PRDM12: variants seen among roughly 807,000 people sequenced by gnomAD.
The protein encoded by PRDM12 is PR domain zinc finger protein 12.
In PRDM12, 17 loss-of-function variants were observed where a neutral mutation model predicts 29.6. That is an observed-to-expected ratio of 0.57 (90% CI 0.39 to 0.86). The LOEUF is 0.86. Among genes scored for constraint, PRDM12 ranks in the 40% least tolerant of loss-of-function variants. The probability of loss-of-function intolerance (pLI) is 0.00; values close to 1 mark genes in which losing one functional copy is unlikely to be tolerated. For synonymous variants in PRDM12, 231 were observed against 225.8 expected (o/e 1.02, Z -0.21); for missense variants, 422 against 510.8 (o/e 0.83, Z 1.68).
At position 130,681,069 on chromosome 9, in the gene PRDM12, G is replaced by T. The variant is rs1450057954; in HGVS notation, c.683-179G>T. On this transcript the variant is annotated intron_variant, in intron 4 of 4. Coordinates refer to ENST00000253008, the MANE Select transcript of PRDM12 (RefSeq NM_021619.3). This position sits in a 1 kb window ranked among gnomAD's most constrained non-coding sequence, Gnocchi z 8.1. ...CTCCCTATTGGACCCCCCAGCCGGG[G>T]TACCCTTCGCTGTCCCTCCAGTCCG... is the stretch of plus-strand genomic sequence containing the variant. Among the ~76,000 whole-genome samples the T allele has an allele frequency of 6.6e-6, 1 of 152,124 alleles. No individual in the cohort carries two copies. Among genetic ancestry groups the T allele is most frequent in the Non-Finnish European group, 1.5e-5 (1 of 68,020 alleles).
At chr9:130,666,129 C>G (rs1023593041) in intron 1 of PRDM12, among the ~76,000 whole-genome samples, 1 of 152,190 alleles carries the variant, frequency 6.6e-6, no homozygotes, top group African/African-American at 2.4e-5. Flanking sequence ...GATCACGGCC[C>G]GGCTCCTCTG....
rs1830912039 is a variant in PRDM12, at chr9:130,682,195, G to C, written c.*526G>C. On this transcript the variant is annotated 3_prime_UTR_variant, in exon 5 of 5. Transcript: ENST00000253008. The surrounding 1 kb of genome is among the most constrained non-coding windows in gnomAD (Gnocchi z 4.2). ...TGGGACTGGTGTCCTGAAGTGTCGG[G>C]AGTCCTTACGCAACCTTGACATGTG... 1 of 152,258 alleles carries C rather than the reference G, an allele frequency of 6.6e-6. No individual in the cohort carries two copies. Among genetic ancestry groups the C allele is most frequent in the South Asian group, 2.1e-4 (1 of 4,838 alleles). The allele number at this position is 152,258 out of a possible 1,614,324, so 9.4% of individuals were successfully genotyped here.
intron 3 of PRDM12, among the ~76,000 whole-genome samples, chr9:130,669,478 G>T (rs1257894801): frequency 6.6e-6 from 1 of 151,312 alleles, no homozygotes; most frequent in Admixed American, 6.6e-5. Flanking sequence ...AGCCGAGATA[G>T]TGTCACTGCA....
rs753690362 is a variant in PRDM12, at chr9:130,668,343, G to A, written c.570+30G>A. 4 of 1,607,790 alleles carry A rather than the reference G, an allele frequency of 2.5e-6. No individual in the cohort carries two copies. Among genetic ancestry groups the A allele is most frequent in the East Asian group, 2.2e-5 (1 of 44,736 alleles). ...GTGTGTGTGTGTGCACTGTTGTGTA[G>A]GGACCAGCCGGTAAACCCGGCGGGG... is the stretch of plus-strand genomic sequence containing the variant. On this transcript the variant is annotated intron_variant, in intron 3 of 4. Transcript: ENST00000253008. This position sits in a 1 kb window ranked among gnomAD's most constrained non-coding sequence, Gnocchi z 4.0.
In PRDM12 at chr9:130,681,769, C is replaced by A; in HGVS notation, c.*100C>A. ...TCCAGCCCCAACCCCCGGCCCGGCG[C>A]CGCCGCGGAGCCCCGCGCGCTGGGG... On this transcript the variant is annotated 3_prime_UTR_variant, in exon 5 of 5. Coordinates refer to ENST00000253008, the MANE Select transcript of PRDM12 (RefSeq NM_021619.3). This position sits in a 1 kb window ranked among gnomAD's most constrained non-coding sequence, Gnocchi z 8.1. 1 of 946,306 alleles carries A rather than the reference C, an allele frequency of 1.1e-6. No individual in the cohort carries two copies. Among genetic ancestry groups the A allele is most frequent in the Non-Finnish European group, 1.3e-6 (1 of 794,598 alleles). 58.6% of individuals were successfully genotyped at this position (946,306 alleles called of 1,614,324 possible).
intron 3 of PRDM12, among the ~76,000 whole-genome samples, chr9:130,677,519 T>A (rs567021306): frequency 2.1e-4 from 32 of 152,374 alleles, no homozygotes; most frequent in African/African-American, 7.7e-4. Context: ...TGTCTGGGTT[T>A]CTCTGGGCAC....
At chr9:130,673,662 ATTTTTT>A (rs35312514) in intron 3 of PRDM12, among the ~76,000 whole-genome samples, 6 of 86,278 alleles carry the variant, frequency 7.0e-5, no homozygotes, top group African/African-American at 9.6e-5. Context: ...CTCACGGCTA[ATTTTTT>A]TTTTTTTTTT....
rs1163604323 is a variant in PRDM12, at chr9:130,668,957, TG to T, written c.570+650del. On this transcript the variant is annotated intron_variant, in intron 3 of 4. Coordinates refer to ENST00000253008, the MANE Select transcript of PRDM12 (RefSeq NM_021619.3). The surrounding 1 kb of genome is among the most constrained non-coding windows in gnomAD (Gnocchi z 4.0). Reference sequence around the variant, plus strand: ...AGACTTGGGGGTTTTGCCGGCCATCTGGGGGGAGTGTTAGCACTAATAGCTG... The same window carrying T: ...AGACTTGGGGGTTTTGCCGGCCATCTGGGGGAGTGTTAGCACTAATAGCTG... Among the ~76,000 whole-genome samples, 2 of 152,150 alleles carry T rather than the reference TG, an allele frequency of 1.3e-5. No homozygotes were observed. Among genetic ancestry groups the T allele is most frequent in the Admixed American group, 1.3e-4 (2 of 15,270 alleles).
At chr9:130,678,472 C>A in intron 3 of PRDM12, 57 bp from the exon 4 acceptor site, 1 of 1,327,692 alleles carries the variant, frequency 7.5e-7, no homozygotes, top group Non-Finnish European at 1.1e-6. Context: ...CAGAGACCCC[C>A]AACTCTCACC....
chr9:130,680,649 ATATATATATATTTT>A (rs1830888593), intron 4 of PRDM12, among the ~76,000 whole-genome samples: 1 of 78,934 alleles, frequency 1.3e-5, no homozygotes, highest in Non-Finnish European at 2.3e-5. Context: ...ATATATATAT[ATATATATATATTTT>A]TTTTTTTTTT....
chr9:130,670,431 G>A (rs546655836), intron 3 of PRDM12, among the ~76,000 whole-genome samples: 16 of 152,236 alleles, frequency 1.1e-4, no homozygotes, highest in Non-Finnish European at 1.6e-4. Flanking sequence ...AGCTGAGGGG[G>A]GTGGTGCTTG....
At chr9:130,679,154 G>A (rs1381322249) in intron 4 of PRDM12, among the ~76,000 whole-genome samples, 4 of 152,202 alleles carry the variant, frequency 2.6e-5, no homozygotes, top group Admixed American at 1.3e-4. Context: ...CCTGTTGAAG[G>A]AAGGCAGGAC....
chr9:130,664,972 T>G lies in PRDM12; in HGVS notation c.223+96T>G. The G allele has an allele frequency of 8.1e-7, 1 of 1,240,668 alleles. No homozygotes were observed. Among genetic ancestry groups the G allele is most frequent in the Non-Finnish European group, 1.1e-6 (1 of 911,420 alleles). The allele number at this position is 1,240,668 out of a possible 1,614,324, so 76.9% of individuals were successfully genotyped here. A position where few individuals can be genotyped will look rare whatever the true frequency, so the allele number is the denominator to read the frequency against. ...CGAGACGCGGCTGGGATACCCGGCC[T>G]CGCTGCTACTCGCGCCAACCTGGGC... is the stretch of plus-strand genomic sequence containing the variant. On this transcript the variant is annotated intron_variant, in intron 1 of 4. Transcript: ENST00000253008. The surrounding 1 kb of genome is among the most constrained non-coding windows in gnomAD (Gnocchi z 6.4).
chr9:130,679,082 T>G (rs1428127591), intron 4 of PRDM12, among the ~76,000 whole-genome samples: 1 of 152,160 alleles, frequency 6.6e-6, no homozygotes, highest in Non-Finnish European at 1.5e-5. Flanking sequence ...ACCTGTATAT[T>G]TCCTTGCCCT....
chr9:130,679,665 T>C (rs764438750), intron 4 of PRDM12, among the ~76,000 whole-genome samples: 2 of 151,666 alleles, frequency 1.3e-5, no homozygotes, highest in Non-Finnish European at 2.9e-5. Flanking sequence ...TTTTATTTTA[T>C]TTAACTTATT....
At chr9:130,672,061 GC>G (rs1830794116) in intron 3 of PRDM12, among the ~76,000 whole-genome samples, 1 of 152,198 alleles carries the variant, frequency 6.6e-6, no homozygotes, top group Admixed American at 6.5e-5. Context: ...CACTGATGTG[GC>G]CCCTGGGGAA....
intron 3 of PRDM12, among the ~76,000 whole-genome samples, chr9:130,674,761 A>G (rs768271348): frequency 2.0e-5 from 3 of 152,134 alleles, no homozygotes; most frequent in Non-Finnish European, 4.4e-5. Flanking sequence ...TGCGGTCCAT[A>G]TGTCTGCATC....
chr9:130,670,167 C>A (rs1169515228), intron 3 of PRDM12, among the ~76,000 whole-genome samples: 1 of 152,110 alleles, frequency 6.6e-6, no homozygotes, highest in Non-Finnish European at 1.5e-5. Flanking sequence ...GCTTCCCACC[C>A]CACTTCTCTG....
intron 2 of PRDM12, 143 bp downstream of exon 2, chr9:130,666,941 C>G (rs1830739466): frequency 1.7e-6 from 2 of 1,165,810 alleles, no homozygotes; most frequent in Admixed American, 3.5e-5. Flanking sequence ...TGAGCCGGGA[C>G]TCTAAGCCGC....
Sources: allele counts gnomAD v4.1 joint callset (sites outside exome capture counted in the v4.1 genomes callset), GRCh38; gene constraint gnomAD v4.1.1; non-coding constraint Gnocchi (gnomAD v3.1); transcripts MANE v1.5; gene names NCBI Gene and HGNC (gene_info 2026-07-23, HGNC 2026-07-21).